The following PLCB4 variants were observed in gnomAD, a reference collection of about 807,000 sequenced individuals.
PLCB4 encodes phospholipase C beta 4.
A neutral mutation model predicts 178.8 loss-of-function variants in PLCB4; 77 were observed. That is an observed-to-expected ratio of 0.43 (90% CI 0.36 to 0.52). The LOEUF (loss-of-function observed/expected upper bound fraction) is 0.52. PLCB4 is among the 20% of genes least tolerant of loss of function. The pLI, the probability that PLCB4 is intolerant of heterozygous loss-of-function variation, is 0.00. For missense variants in PLCB4, 1,024 were observed against 1,453.4 expected (o/e 0.70, Z 4.80); for synonymous variants, 496 against 490.8 (o/e 1.01, Z -0.14).
At chr20:9,187,222 G>A (rs937667182) in intron 2 of PLCB4, among the ~76,000 whole-genome samples, 3 of 151,768 alleles carry the variant, frequency 2.0e-5, no homozygotes, top group African/African-American at 7.3e-5. Context: ...TGATCTGTCC[G>A]CCTCGGCCTC....
chr20:9,079,089 C>G (rs1460076204), intron 1 of PLCB4, among the ~76,000 whole-genome samples: 1 of 152,118 alleles, frequency 6.6e-6, no homozygotes, highest in Non-Finnish European at 1.5e-5. Flanking sequence ...CTTGCATATT[C>G]AAGAAAGTCT....
chr20:9,205,471 A>T (rs779237062), intron 2 of PLCB4, among the ~76,000 whole-genome samples: 6 of 152,222 alleles, frequency 3.9e-5, no homozygotes, highest in Non-Finnish European at 5.9e-5. Flanking sequence ...TTTAATTTTG[A>T]GGTAATTACA....
At chr20:9,096,396 T>C (rs1337314010) in intron 2 of PLCB4, 54 bp downstream of exon 2, 2 of 152,212 alleles carry the variant, frequency 1.3e-5, no homozygotes, top group Non-Finnish European at 2.9e-5. Flanking sequence ...CTTGAATAAA[T>C]TACAATCCAG....
intron 2 of PLCB4, among the ~76,000 whole-genome samples, chr20:9,192,189 C>T (rs1279033001): frequency 6.6e-6 from 1 of 152,142 alleles, no homozygotes; most frequent in Non-Finnish European, 1.5e-5. Context: ...GAGCTGTGTG[C>T]CATGATTGAT....
At chr20:9,437,311 C>A (rs189021595) in intron 30 of PLCB4, among the ~76,000 whole-genome samples, 159 bp downstream of exon 30, 25 of 152,214 alleles carry the variant, frequency 1.6e-4, no homozygotes, top group African/African-American at 5.5e-4. Context: ...CTCTTCCAGA[C>A]CCTCCCATAG....
At chr20:9,246,407 A>G (rs989805259) in intron 3 of PLCB4, among the ~76,000 whole-genome samples, 1 of 152,222 alleles carries the variant, frequency 6.6e-6, no homozygotes. Flanking sequence ...CCTCCAGCAG[A>G]TGTACAAACC....
intron 2 of PLCB4, among the ~76,000 whole-genome samples, chr20:9,182,887 T>A (rs1014565240): frequency 3.3e-5 from 5 of 152,188 alleles, no homozygotes; most frequent in Admixed American, 6.5e-5. Flanking sequence ...ATACCTATTC[T>A]GTTTGGTCAC....
chr20:9,413,478 C>T (rs1260398702), intron 25 of PLCB4, among the ~76,000 whole-genome samples: 1 of 151,636 alleles, frequency 6.6e-6, no homozygotes, highest in Non-Finnish European at 1.5e-5. Context: ...GCTAACACGG[C>T]GAAATCCCGT....
chr20:9,114,308 G>A (rs966724381), intron 2 of PLCB4, among the ~76,000 whole-genome samples: 2 of 152,142 alleles, frequency 1.3e-5, no homozygotes, highest in Non-Finnish European at 2.9e-5. Context: ...GGTGTTCAGA[G>A]GGGTGGTGCT....
At chr20:9,417,171 T>C (rs2040307029) in intron 25 of PLCB4, among the ~76,000 whole-genome samples, 1 of 152,182 alleles carries the variant, frequency 6.6e-6, no homozygotes, top group South Asian at 2.1e-4. Context: ...GCTCATAGTA[T>C]GGATTCTTTA....
At chr20:9,356,498 C>T (rs185334938) in intron 7 of PLCB4, among the ~76,000 whole-genome samples, 7 of 152,280 alleles carry the variant, frequency 4.6e-5, no homozygotes, top group African/African-American at 1.7e-4. Flanking sequence ...GAATAGCCTT[C>T]ATCTGTAGAT....
At chr20:9,323,219 C>T (rs1202256215) in intron 4 of PLCB4, among the ~76,000 whole-genome samples, 2 of 152,226 alleles carry the variant, frequency 1.3e-5, no homozygotes, top group African/African-American at 2.4e-5. Context: ...CTACTCTCCT[C>T]TGTACAGTCC....
chr20:9,121,378 G>A (rs1458621037), intron 2 of PLCB4, among the ~76,000 whole-genome samples: 2 of 151,968 alleles, frequency 1.3e-5, no homozygotes, highest in Admixed American at 6.6e-5. Flanking sequence ...CGCCGCTTAC[G>A]TGTCGTCCCA....
chr20:9,393,305 C>G (rs2038302124), intron 17 of PLCB4, among the ~76,000 whole-genome samples: 1 of 152,156 alleles, frequency 6.6e-6, no homozygotes, highest in South Asian at 2.1e-4. Flanking sequence ...GGAACCCCTC[C>G]CCGGCACATC....
At chr20:9,141,394 A>C (rs570006861) in intron 2 of PLCB4, among the ~76,000 whole-genome samples, 19 of 152,162 alleles carry the variant, frequency 1.2e-4, no homozygotes, top group African/African-American at 4.3e-4. Context: ...CATGCTATTT[A>C]TCTAAAAAGA....
At chr20:9,121,857 C>G (rs924104402) in intron 2 of PLCB4, among the ~76,000 whole-genome samples, 3 of 152,060 alleles carry the variant, frequency 2.0e-5, no homozygotes, top group Admixed American at 2.0e-4. Context: ...TTCCTGACAC[C>G]AAATTTATGT....
chr20:9,280,128 CTG>C (rs1334539847), intron 3 of PLCB4, among the ~76,000 whole-genome samples: 2 of 152,018 alleles, frequency 1.3e-5, no homozygotes, highest in South Asian at 2.1e-4. Context: ...AGCCAAAAGA[CTG>C]TTGCATAAAA....
At chr20:9,315,015 G>A (rs1055092091) in intron 4 of PLCB4, among the ~76,000 whole-genome samples, 2 of 152,068 alleles carry the variant, frequency 1.3e-5, no homozygotes, top group African/African-American at 4.8e-5. Flanking sequence ...GGGATTACAA[G>A]CATGTGCCAC....
chr20:9,387,843 A>G (rs1317299669), intron 15 of PLCB4, among the ~76,000 whole-genome samples: 2 of 152,224 alleles, frequency 1.3e-5, no homozygotes, highest in Non-Finnish European at 2.9e-5. Flanking sequence ...TTTGTTATCT[A>G]CTTATTTGCT....
Sources: allele counts gnomAD v4.1 joint callset (sites outside exome capture counted in the v4.1 genomes callset), GRCh38; gene constraint gnomAD v4.1.1; transcripts MANE v1.5; gene names NCBI Gene and HGNC (gene_info 2026-07-23, HGNC 2026-07-21).